Variants in PCDHGB1 observed in about 807,000 individuals in gnomAD.
PCDHGB1 encodes protocadherin gamma subfamily B, 1.
PCDHGB1 carries 34 observed loss-of-function variants against 56.6 expected under a neutral mutation model. The ratio of observed to expected loss-of-function variants is 0.60; its 90% CI spans 0.46 to 0.80. The LOEUF (loss-of-function observed/expected upper bound fraction) is 0.80, where lower values mean the gene tolerates loss of function less well. Ranked by LOEUF, PCDHGB1 falls within the 30% of genes least tolerant of loss-of-function variation. The pLI is 0.00. For missense variants in PCDHGB1, 1,278 were observed against 1,204.6 expected, an observed-to-expected ratio of 1.06 and a Z score of -0.90; for synonymous variants, 561 against 505.9, an observed-to-expected ratio of 1.11 and a Z score of -1.46.
rs760878091 is a variant in PCDHGB1 at position 141,476,406 on chromosome 5, T to A, written c.2410-18401T>A. The A allele has an allele frequency of 6.2e-7, 1 of 1,614,054 alleles. No individual in the cohort carries two copies. The highest frequency in any genetic ancestry group is 8.5e-7 in the Non-Finnish European group (1 of 1,180,002). On this transcript the variant is annotated intron_variant, in intron 1 of 3. Transcript: ENST00000523390. The surrounding 1 kb of genome is among the most constrained non-coding windows in gnomAD (Gnocchi z 7.6). Reference sequence around the variant, plus strand: ...AACGACCGTCTGGATCGAGAGGAGCTGTGTGGGACACTGCCCTCTTGCACT... The same window carrying A: ...AACGACCGTCTGGATCGAGAGGAGCAGTGTGGGACACTGCCCTCTTGCACT...
Position 141,379,889 on chromosome 5 carries a change from C to CTTTTTTTT in PCDHGB1, c.2409+27243_2409+27250dup, listed in dbSNP as rs70988800. On this transcript the variant is annotated intron_variant, in intron 1 of 3. Transcript: ENST00000523390. ...CTTATTTTATGGTCTGTGAAAGCCT[C>CTTTTTTTT]TTTTTTTTTTTTTTTTTTTTTTTTT... Among the ~76,000 whole-genome samples the CTTTTTTTT allele has an allele frequency of 4.7e-3, 239 of 50,824 alleles. 36 individuals carry two copies. The highest frequency in any genetic ancestry group is 8.3e-3 in the African/African-American group (125 of 15,078). The allele number at this position is 50,824 out of a possible 152,430, so 33.3% of individuals were successfully genotyped here.
chr5:141,352,666 G>A lies in PCDHGB1; in HGVS notation c.2406G>A (p.Ser802=), dbSNP rs773765365. Residue 802 remains serine, a synonymous_variant, in exon 1 of 4, where the codon TCG becomes TCA. Transcript: ENST00000523390. ...HKIAYDPSLS[S]HQAPPNTDWR... is the part of the protein sequence containing the mutation. ...TCGCTTATGACCCTTCTTTGTCTTC[G>A]CACGTGAGTTTCTGCAAATCTAGTT... 7.6e-6 allele frequency: 12 copies of A among 1,585,710 alleles called. No individual in the cohort carries two copies. In the Admixed American group the frequency reaches 9.1e-5, roughly 12 times the overall value.
At position 141,436,288 on chromosome 5, in the gene PCDHGB1, C is replaced by T. The variant is rs533281663; in HGVS notation, c.2410-58519C>T. On this transcript the variant is annotated intron_variant, in intron 1 of 3. Coordinates refer to ENST00000523390, the MANE Select transcript of PCDHGB1 (RefSeq NM_018922.3). ...CACCTAACTTGATTTAGGAACAAATCATTGAGAGTTAGAGCATGAATAGTC... is the reference window on the plus strand; with the variant it reads ...CACCTAACTTGATTTAGGAACAAATTATTGAGAGTTAGAGCATGAATAGTC... 3.9e-3 allele frequency among the ~76,000 whole-genome samples: 590 copies of T among 152,274 alleles called. 9 individuals are homozygous for T. Among genetic ancestry groups the T allele is most frequent in the Middle Eastern group, 0.01 (3 of 294 alleles).
chr5:141,400,590 T>G (rs775174347), intron 1 of PCDHGB1: 2 of 1,604,848 alleles, frequency 1.2e-6, no homozygotes, highest in South Asian at 1.1e-5. Flanking sequence ...CATGAAACTA[T>G]CGTACATTTT....
In PCDHGB1 at chr5:141,460,596, C is replaced by A. The variant is rs930441447; in HGVS notation, c.2410-34211C>A. On this transcript the variant is annotated intron_variant, in intron 1 of 3. Transcript: ENST00000523390. ...TGTAGGTGTGGGTTTTTTCTGGGCT[C>A]TCTGTGTTAGATGGATAGATAGACA... Among the ~76,000 whole-genome samples the A allele has an allele frequency of 1.3e-5, 2 of 151,986 alleles. 1 individual carries two copies. The highest frequency in any genetic ancestry group is 4.1e-4 in the South Asian group (2 of 4,824).
chr5:141,422,056 G>C lies in PCDHGB1; in HGVS notation c.2409+69387G>C, dbSNP rs1003977721. 1.2e-6 allele frequency: 2 copies of C among 1,611,816 alleles called. No individual in the cohort carries two copies. The highest frequency in any genetic ancestry group is 2.7e-5 in the African/African-American group (2 of 74,764). ...GGATCCAGACGAGGGAATCAACGGG[G>C]AAGTAATGTATTCATTTCGGAACAT... On this transcript the variant is annotated intron_variant, in intron 1 of 3. Transcript: ENST00000523390.
chr5:141,385,288 T>G (rs1781084944), intron 1 of PCDHGB1: 1 of 1,613,250 alleles, frequency 6.2e-7, no homozygotes, highest in Admixed American at 1.7e-5. Context: ...ATCCGTAGAT[T>G]TTCAGGAATG....
chr5:141,366,580 G>A (rs759906003), intron 1 of PCDHGB1: 19 of 1,614,132 alleles, frequency 1.2e-5, no homozygotes, highest in Non-Finnish European at 4.2e-6. Context: ...GGGCTTTCCT[G>A]CAGACCTATT....
intron 1 of PCDHGB1, among the ~76,000 whole-genome samples, chr5:141,483,648 TTGTGTGTG>T (rs111458813): frequency 6.7e-6 from 1 of 149,592 alleles, no homozygotes; most frequent in Non-Finnish European, 1.5e-5. Flanking sequence ...GGGTGTGTGT[TTGTGTGTG>T]TGTGTGTGTG....
chr5:141,415,056 G>T, intron 1 of PCDHGB1: 1 of 1,613,416 alleles, frequency 6.2e-7, no homozygotes. Context: ...GGGAGCACAC[G>T]GGCGAGGTGC....
intron 1 of PCDHGB1, among the ~76,000 whole-genome samples, chr5:141,434,029 A>C (rs970204484): frequency 2.6e-5 from 4 of 152,126 alleles, no homozygotes; most frequent in Admixed American, 2.6e-4. Context: ...TTCTGGAAGC[A>C]TGGTTTTCTA....
chr5:141,403,169 C>T, intron 1 of PCDHGB1: 13 of 1,614,016 alleles, frequency 8.1e-6, no homozygotes, highest in Non-Finnish European at 1.1e-5. Flanking sequence ...AGGTAGGACG[C>T]AGCTTTTCTC....
In PCDHGB1 at chr5:141,431,339, T is replaced by A. The variant is rs1374646530; in HGVS notation, c.2410-63468T>A. 7.4e-6 allele frequency: 12 copies of A among 1,613,942 alleles called. No homozygotes were observed. In the Admixed American group the frequency reaches 1.2e-4, roughly 16 times the overall value. ...AGCCGACGGTAGTAAGTACCCCGAA[T>A]TGGTGCTGAAACGCGCCCTGGACCG... On this transcript the variant is annotated intron_variant, in intron 1 of 3. Coordinates refer to ENST00000523390, the MANE Select transcript of PCDHGB1 (RefSeq NM_018922.3). This position sits in a 1 kb window ranked among gnomAD's most constrained non-coding sequence, Gnocchi z 4.8.
At chr5:141,415,352 C>T in intron 1 of PCDHGB1, 1 of 1,614,228 alleles carries the variant, frequency 6.2e-7, no homozygotes, top group Non-Finnish European at 8.5e-7. Context: ...TGGCACAAGT[C>T]ACGCCTGCTG....
chr5:141,472,335 A>T (rs1033984936), intron 1 of PCDHGB1, among the ~76,000 whole-genome samples: 38 of 151,784 alleles, frequency 2.5e-4, no homozygotes, highest in Non-Finnish European at 2.5e-4. Context: ...AGGTTGGGAG[A>T]TCGAGACCAT....
Position 141,370,589 on chromosome 5 carries a change from C to A in PCDHGB1, c.2409+17920C>A, listed in dbSNP as rs1373846949. 6.2e-7 allele frequency: 1 copy of A among 1,613,898 alleles called. No individual in the cohort carries two copies. The highest frequency in any genetic ancestry group is 1.1e-5 in the South Asian group (1 of 91,062). The stretch of plus-strand genomic sequence containing the variant: ...GCGTGGGGGATTTACCTACTAGGAA[C>A]CTGCGGGTTATTGCAGAGAAGAAAT... On this transcript the variant is annotated intron_variant, in intron 1 of 3. Transcript: ENST00000523390.
In PCDHGB1 at chr5:141,432,847, G is replaced by A. The variant is rs768265171; in HGVS notation, c.2410-61960G>A. On this transcript the variant is annotated intron_variant, in intron 1 of 3. Transcript: ENST00000523390. The surrounding 1 kb of genome is among the most constrained non-coding windows in gnomAD (Gnocchi z 6.0). Reference sequence around the variant, plus strand: ...ACCTCACTCTGTACCTGGTGGTAGCGGTGGCCGCGGTCTCCTGCGTCTTCC... The same window carrying A: ...ACCTCACTCTGTACCTGGTGGTAGCAGTGGCCGCGGTCTCCTGCGTCTTCC... 5.0e-6 allele frequency: 8 copies of A among 1,614,180 alleles called. No homozygotes were observed. The highest frequency in any genetic ancestry group is 6.8e-6 in the Non-Finnish European group (8 of 1,179,994).
chr5:141,388,647 G>A lies in PCDHGB1; in HGVS notation c.2409+35978G>A, dbSNP rs778996768. ...ATACAGGGTGAGCCTTTCAGAAAAC[G>A]TGTACCCGGGGACCACGGTGCTACA... On this transcript the variant is annotated intron_variant, in intron 1 of 3. Coordinates refer to ENST00000523390, the MANE Select transcript of PCDHGB1 (RefSeq NM_018922.3). The A allele has an allele frequency of 6.8e-6, 11 of 1,613,892 alleles. No homozygotes were observed. The Admixed American group carries it at 1.0e-4, about 15-fold the overall frequency.
chr5:141,414,318 G>A (rs1212643655), intron 1 of PCDHGB1: 1 of 1,613,772 alleles, frequency 6.2e-7, no homozygotes, highest in Non-Finnish European at 8.5e-7. Context: ...TAGACTCTGA[G>A]CAGAATGGAC....
Sources: gnomAD v4.1 joint callset for allele counts (sites outside exome capture counted in the v4.1 genomes callset) on GRCh38, gnomAD v4.1.1 for gene constraint, Gnocchi (gnomAD v3.1) non-coding constraint, MANE v1.5 for transcripts, NCBI Gene and HGNC (gene_info 2026-07-23, HGNC 2026-07-21) for gene names.